HS6ST3: variants seen among roughly 807,000 people sequenced by gnomAD.
The protein encoded by HS6ST3 is heparan-sulfate 6-O-sulfotransferase 3.
HS6ST3 carries 12 observed loss-of-function variants against 36.7 expected under a neutral mutation model. That is an observed-to-expected ratio of 0.33 (90% confidence interval 0.21 to 0.53). The LOEUF (loss-of-function observed/expected upper bound fraction) is 0.53, where lower values mean the gene tolerates loss of function less well. Ranked by LOEUF, HS6ST3 falls within the 20% of genes least tolerant of loss-of-function variation. The pLI is 0.95. For missense variants in HS6ST3, 584 were observed against 640.9 expected (o/e 0.91, Z 0.96); for synonymous variants, 240 against 257.5 (o/e 0.93, Z 0.65).
At chr13:96,400,197 G>C (rs1178003484) in intron 1 of HS6ST3, among the ~76,000 whole-genome samples, 3 of 112,712 alleles carry the variant, frequency 2.7e-5, no homozygotes, top group African/African-American at 1.0e-4. Flanking sequence ...ACACATATAT[G>C]CAGACACACA....
At chr13:96,733,973 A>G (rs1000770738) in intron 1 of HS6ST3, among the ~76,000 whole-genome samples, 3 of 152,180 alleles carry the variant, frequency 2.0e-5, no homozygotes, top group Admixed American at 2.0e-4. Flanking sequence ...GTTTCAATTC[A>G]GCCTACCTCC....
At chr13:96,429,768 C>T (rs891626043) in intron 1 of HS6ST3, among the ~76,000 whole-genome samples, 3 of 152,038 alleles carry the variant, frequency 2.0e-5, no homozygotes, top group Admixed American at 6.5e-5. Flanking sequence ...TCTGTAGGTT[C>T]GATAGAAAAT....
chr13:96,569,691 C>A (rs1183273513), intron 1 of HS6ST3, among the ~76,000 whole-genome samples: 1 of 152,002 alleles, frequency 6.6e-6, no homozygotes, highest in Admixed American at 6.6e-5. Context: ...TAAAATAAAC[C>A]TTAGAAATAG....
chr13:96,366,935 C>T (rs932219457), intron 1 of HS6ST3, among the ~76,000 whole-genome samples: 2 of 152,158 alleles, frequency 1.3e-5, no homozygotes, highest in African/African-American at 4.8e-5. Flanking sequence ...TCTCTTGCCT[C>T]CCACCATGTA....
chr13:96,434,454 C>T (rs1205639073), intron 1 of HS6ST3, among the ~76,000 whole-genome samples: 2 of 152,206 alleles, frequency 1.3e-5, no homozygotes, highest in Non-Finnish European at 2.9e-5. Flanking sequence ...GTTGTCTAGC[C>T]AAATGGCTCC....
chr13:96,396,701 G>C (rs2055423466), intron 1 of HS6ST3, among the ~76,000 whole-genome samples: 1 of 152,126 alleles, frequency 6.6e-6, no homozygotes, highest in Admixed American at 6.5e-5. Flanking sequence ...GCACAGCACT[G>C]CTTGTGTCCC....
chr13:96,593,378 TA>T (rs1287514006), intron 1 of HS6ST3, among the ~76,000 whole-genome samples: 3 of 151,136 alleles, frequency 2.0e-5, no homozygotes, highest in Non-Finnish European at 4.4e-5. Context: ...GTATTTTTAG[TA>T]GAGATGGGGT....
intron 1 of HS6ST3, among the ~76,000 whole-genome samples, chr13:96,284,804 CTTCT>C (rs1412115203): frequency 3.3e-5 from 5 of 151,678 alleles, no homozygotes; most frequent in African/African-American, 4.8e-5. Flanking sequence ...CTCCTTCTTT[CTTCT>C]TTCTTTCTTT....
chr13:96,098,731 A>G (rs1177205784), intron 1 of HS6ST3, among the ~76,000 whole-genome samples: 2 of 152,200 alleles, frequency 1.3e-5, no homozygotes, highest in African/African-American at 2.4e-5. Flanking sequence ...TCAGTCACTT[A>G]CTGTCACGTG....
intron 1 of HS6ST3, among the ~76,000 whole-genome samples, chr13:96,356,337 A>G (rs555250092): frequency 6.6e-6 from 1 of 152,260 alleles, no homozygotes; most frequent in East Asian, 1.9e-4. Context: ...TTTTAAAATT[A>G]CTTTGTCCAG....
intron 1 of HS6ST3, among the ~76,000 whole-genome samples, chr13:96,598,230 A>G (rs983106661): frequency 1.3e-5 from 2 of 152,042 alleles, no homozygotes. Context: ...GGGTATTTTG[A>G]TAGGAATTGC....
At position 96,437,681 on chromosome 13, in the gene HS6ST3, G is replaced by A. The variant is rs560617117; in HGVS notation, c.707+346112G>A. On this transcript the variant is annotated intron_variant, in intron 1 of 1. Transcript: ENST00000376705. ...AATGAGGGGGACATTTGAATACAAAGGTAGATTATTATTTCAGATTGAGGC... is the reference window on the plus strand; with the variant it reads ...AATGAGGGGGACATTTGAATACAAAAGTAGATTATTATTTCAGATTGAGGC... 2.6e-5 allele frequency among the ~76,000 whole-genome samples: 4 copies of A among 152,316 alleles called. No homozygotes were observed. The South Asian group carries it at 8.3e-4, about 32-fold the overall frequency.
At chr13:96,462,418 CATTT>C (rs1201489858) in intron 1 of HS6ST3, among the ~76,000 whole-genome samples, 2 of 152,150 alleles carry the variant, frequency 1.3e-5, no homozygotes, top group Non-Finnish European at 2.9e-5. Context: ...AGAACATCAG[CATTT>C]ATTTATGACT....
At chr13:96,423,016 A>C (rs931038894) in intron 1 of HS6ST3, among the ~76,000 whole-genome samples, 1 of 152,200 alleles carries the variant, frequency 6.6e-6, no homozygotes, top group Non-Finnish European at 1.5e-5. Flanking sequence ...TATAATTGAA[A>C]TTAAAATCAT....
intron 1 of HS6ST3, among the ~76,000 whole-genome samples, chr13:96,261,001 A>G (rs2054663843): frequency 6.6e-6 from 1 of 152,126 alleles, no homozygotes; most frequent in Non-Finnish European, 1.5e-5. Context: ...AATGGGTGAC[A>G]TTCTGGGTTT....
At chr13:96,270,318 A>G (rs559275308) in intron 1 of HS6ST3, among the ~76,000 whole-genome samples, 2 of 151,988 alleles carry the variant, frequency 1.3e-5, no homozygotes, top group South Asian at 2.1e-4. Context: ...AATAATTTCT[A>G]TTGTTTAAGC....
chr13:96,274,969 T>G (rs2054740937), intron 1 of HS6ST3, among the ~76,000 whole-genome samples: 1 of 151,494 alleles, frequency 6.6e-6, no homozygotes, highest in African/African-American at 2.4e-5. Flanking sequence ...GTTGCAGGCT[T>G]CAGCGCTGGG....
In HS6ST3 at chr13:96,834,288, C is replaced by A. The variant is rs1005692667; in HGVS notation, c.*1090C>A. On this transcript the variant is annotated 3_prime_UTR_variant, in exon 2 of 2. Transcript: ENST00000376705. The stretch of plus-strand genomic sequence containing the variant: ...AAATGAATAAAAACTCGGAATTAGG[C>A]CAGGAGACATGGAATACCATTCATG... The A allele has an allele frequency of 1.1e-4, 17 of 152,108 alleles. No homozygotes were observed. Among genetic ancestry groups the A allele is most frequent in the Non-Finnish European group, 1.5e-4 (10 of 68,014 alleles). 9.4% of individuals were successfully genotyped at this position (152,108 alleles called of 1,614,324 possible). A position where few individuals can be genotyped will look rare whatever the true frequency, so the allele number is the denominator to read the frequency against.
At chr13:96,395,208 A>C (rs1230931444) in intron 1 of HS6ST3, among the ~76,000 whole-genome samples, 1 of 152,204 alleles carries the variant, frequency 6.6e-6, no homozygotes, top group African/African-American at 2.4e-5. Context: ...AATATTGTAA[A>C]AATTTTTATA....
Sources: gnomAD v4.1 joint callset for allele counts (sites outside exome capture counted in the v4.1 genomes callset) on GRCh38, gnomAD v4.1.1 for gene constraint, MANE v1.5 for transcripts, NCBI Gene and HGNC (gene_info 2026-07-23, HGNC 2026-07-21) for gene names.